P2RX2: variants seen among roughly 807,000 people sequenced by gnomAD.
P2RX2 encodes purinergic receptor P2X 2.
Under a neutral mutation model 54.8 loss-of-function variants are expected in P2RX2, and 50 were observed. The observed-to-expected ratio is 0.91, with a 90% confidence interval of 0.73 to 1.15. The LOEUF (loss-of-function observed/expected upper bound fraction) is 1.15. Among genes scored for constraint, P2RX2 ranks in the 50% most tolerant of loss-of-function variants. P2RX2 has a pLI of 0.00. For synonymous variants in P2RX2, 289 were observed against 259.4 expected (o/e 1.11, Z -1.09); for missense variants, 658 against 633.2 (o/e 1.04, Z -0.42).
rs542173579 is a variant in P2RX2, at chr12:132,622,240, G to A, written c.*268G>A. 1.5e-6 allele frequency: 2 copies of A among 1,371,384 alleles called. No homozygotes were observed. The highest frequency in any genetic ancestry group is 2.9e-5 in the African/African-American group (2 of 67,812). 85.0% of individuals were successfully genotyped at this position (1,371,384 alleles called of 1,614,324 possible). A position where few individuals can be genotyped will look rare whatever the true frequency, so the allele number is the denominator to read the frequency against. On this transcript the variant is annotated 3_prime_UTR_variant, in exon 11 of 11. Transcript: ENST00000643471. ...CCTCTCACAGCCACCTGGAACCCAA[G>A]CCAGCTGAGCTCTGAGGGGCTCTGC...
At chr12:132,619,362 G>A in intron 1 of P2RX2, 77 bp from the exon 2 acceptor site, 2 of 1,547,088 alleles carry the variant, frequency 1.3e-6, no homozygotes, top group Non-Finnish European at 1.8e-6. Flanking sequence ...GGTCGCGGGA[G>A]GGCCCCTGCC....
At position 132,620,982 on chromosome 12, in the gene P2RX2, T is replaced by A; in HGVS notation, c.775-19T>A. ...CTCGTGTGCCCTCCTGACCCCCTTC[T>A]CTGGCTCCTTCTTGGCAGGGTGGTG... is the stretch of plus-strand genomic sequence containing the variant. On this transcript the variant is annotated intron_variant, in intron 7 of 10. Coordinates refer to ENST00000643471, the MANE Select transcript of P2RX2 (RefSeq NM_170682.4). 1.9e-6 allele frequency: 3 copies of A among 1,605,014 alleles called. No individual in the cohort carries two copies. The highest frequency in any genetic ancestry group is 2.6e-6 in the Non-Finnish European group (3 of 1,173,426).
Position 132,618,864 on chromosome 12 carries a change from C to A in P2RX2, c.48C>A (p.Arg16=). The change falls in exon 1 of 11, where the codon CGC becomes CGA. Residue 16 remains arginine, a synonymous_variant. Transcript: ENST00000643471. ...ACCCCGCCGGGGCGACCGCCCGGCGCCTGGCCCGGGGCTGCTGGTCCGCCC... is the reference window on the plus strand; with the variant it reads ...ACCCCGCCGGGGCGACCGCCCGGCGACTGGCCCGGGGCTGCTGGTCCGCCC... The part of the protein sequence containing the change: ...PKYPAGATAR[R]LARGCWSALW... The A allele has an allele frequency of 7.3e-7, 1 of 1,373,650 alleles. No individual in the cohort carries two copies. Among genetic ancestry groups the A allele is most frequent in the Non-Finnish European group, 9.5e-7 (1 of 1,056,792 alleles). 85.1% of individuals were successfully genotyped at this position (1,373,650 alleles called of 1,614,324 possible). A position where few individuals can be genotyped will look rare whatever the true frequency, so the allele number is the denominator to read the frequency against.
chr12:132,620,056 G>A lies in P2RX2; in HGVS notation c.514G>A (p.Val172Met). ...CCAGGGGCCCTCCAAGACCTGCGAG[G>A]TGTTCGGCTGGTGCCCGGTGGAAGA... ...YYQGPSKTCE[V>M]FGWCPVEDGA... Residue 172 changes from valine (V) to methionine (M), a missense_variant, in exon 5 of 11, where the codon GTG becomes ATG. Val to Met is a conservative substitution (Grantham distance 21). Transcript: ENST00000643471. 1 of 1,589,378 alleles carries A rather than the reference G, an allele frequency of 6.3e-7. No homozygotes were observed. The highest frequency in any genetic ancestry group is 1.8e-5 in the Admixed American group (1 of 56,186).
chr12:132,621,030 G>C lies in P2RX2; in HGVS notation c.804G>C (p.Trp268Cys). ...GTGTCATCGGGGTCATTATCAACTG[G>C]GACTGTGACCTGGACCTGCCTGCAT... ...KGGVIGVIIN[W>C]DCDLDLPASE... The change falls in exon 8 of 11, where the codon TGG (tryptophan) becomes TGC (cysteine). Residue 268 changes from tryptophan (W) to cysteine (C), a missense_variant. Physicochemically the swap from Trp to Cys is radical, Grantham distance 215. Transcript: ENST00000643471. The C allele has an allele frequency of 6.2e-7, 1 of 1,614,120 alleles. No individual in the cohort carries two copies. The highest frequency in any genetic ancestry group is 1.3e-5 in the African/African-American group (1 of 75,020).
rs2138382117 is a variant in P2RX2 at position 132,620,899 on chromosome 12, GT to G, written c.775-101del. The G allele has an allele frequency of 1.8e-4, 109 of 596,212 alleles. 33 individuals are homozygous for G. Among genetic ancestry groups the G allele is most frequent in the South Asian group, 5.0e-4 (15 of 30,116 alleles). 36.9% of individuals were successfully genotyped at this position (596,212 alleles called of 1,614,324 possible). On this transcript the variant is annotated intron_variant, in intron 7 of 10. Coordinates refer to ENST00000643471, the MANE Select transcript of P2RX2 (RefSeq NM_170682.4). ...GACCCGGGCTCTCGAGGGGCCTCTC[GT>G]GTGCCCTTGTGACCCCCTTCCCTGG...
At chr12:132,620,736 T>A in intron 7 of P2RX2, 153 bp downstream of exon 7, 1 of 1,065,704 alleles carries the variant, frequency 9.4e-7, no homozygotes, top group African/African-American at 1.6e-5. Context: ...CCATCCGGTG[T>A]GGCGCTTGCT....
chr12:132,621,002 G>A lies in P2RX2; in HGVS notation c.776G>A (p.Gly259Asp). ...CCTTCTCTGGCTCCTTCTTGGCAGGGTGGTGTCATCGGGGTCATTATCAAC... is the reference window on the plus strand; with the variant it reads ...CCTTCTCTGGCTCCTTCTTGGCAGGATGGTGTCATCGGGGTCATTATCAAC... The part of the protein sequence containing the change: ...GESFTELAHK[G>D]GVIGVIINWD... Residue 259 changes from glycine to aspartate, a missense_variant and splice_region_variant, in exon 8 of 11, where the codon GGT becomes GAT. Gly to Asp is a moderately conservative substitution (Grantham distance 94, BLOSUM62 -1). Transcript: ENST00000643471. 6.2e-7 allele frequency: 1 copy of A among 1,613,952 alleles called. No homozygotes were observed.
In P2RX2 at chr12:132,618,812, G is replaced by A. The variant is rs528567382; in HGVS notation, c.-5G>A. On this transcript the variant is annotated 5_prime_UTR_variant, in exon 1 of 11. Coordinates refer to ENST00000643471, the MANE Select transcript of P2RX2 (RefSeq NM_170682.4). The stretch of plus-strand genomic sequence containing the variant: ...GCCTTCCTGGAGGTGGGGGCCGCCC[G>A]CGCCATGGCCGCCGCCCAGCCCAAG... 3.3e-5 allele frequency: 41 copies of A among 1,241,806 alleles called. No homozygotes were observed. The East Asian group carries it at 1.2e-3, about 37-fold the overall frequency. 76.9% of individuals were successfully genotyped at this position (1,241,806 alleles called of 1,614,324 possible). A position where few individuals can be genotyped will look rare whatever the true frequency, so the allele number is the denominator to read the frequency against.
Position 132,621,867 on chromosome 12 carries a change from G to A in P2RX2, c.1311G>A (p.Arg437=), listed in dbSNP as rs375827164. 5.0e-6 allele frequency: 8 copies of A among 1,613,164 alleles called. No homozygotes were observed. Among genetic ancestry groups the A allele is most frequent in the Non-Finnish European group, 6.8e-6 (8 of 1,179,892 alleles). The change falls in exon 11 of 11, where the codon CGG becomes CGA. Residue 437 remains arginine (R), a synonymous_variant. Transcript: ENST00000643471. ...AECGPAFPPL[R]PCPISAPSEQ... Reference sequence around the variant, plus strand: ...GTGGCCCAGCCTTCCCGCCCCTGCGGCCTTGCCCCATCTCTGCCCCTTCTG... The same window carrying A: ...GTGGCCCAGCCTTCCCGCCCCTGCGACCTTGCCCCATCTCTGCCCCTTCTG...
Position 132,619,685 on chromosome 12 carries a change from A to G in P2RX2, c.316A>G (p.Ser106Gly), listed in dbSNP as rs897663807. 6.9e-6 allele frequency: 11 copies of G among 1,595,716 alleles called. No homozygotes were observed. The highest frequency in any genetic ancestry group is 9.4e-6 in the Non-Finnish European group (11 of 1,171,080). Residue 106 changes from serine to glycine, a missense_variant, in exon 3 of 11, where the codon AGC becomes GGC. Physicochemically the swap from Ser to Gly is moderately conservative, Grantham distance 56 (BLOSUM62 0). Coordinates refer to ENST00000643471, the MANE Select transcript of P2RX2 (RefSeq NM_170682.4). ...CCCCTCTTTCTGAGCCCAGGGGGGC[A>G]GCGTGTTCAGCATCATCACCAGGGT... ...EEYVKPPEGG[S>G]VFSIITRVEA...
Position 132,621,869 on chromosome 12 carries a change from C to G in P2RX2, c.1313C>G (p.Pro438Arg). 1 of 1,613,368 alleles carries G rather than the reference C, an allele frequency of 6.2e-7. No homozygotes were observed. Among genetic ancestry groups the G allele is most frequent in the Non-Finnish European group, 8.5e-7 (1 of 1,179,888 alleles). The change falls in exon 11 of 11, where the codon CCT (proline) becomes CGT (arginine). Residue 438 changes from proline to arginine, a missense_variant. Pro to Arg is a moderately radical substitution (Grantham distance 103). Transcript: ENST00000643471. ...ECGPAFPPLR[P>R]CPISAPSEQM... is the part of the protein sequence containing the mutation. ...GGCCCAGCCTTCCCGCCCCTGCGGC[C>G]TTGCCCCATCTCTGCCCCTTCTGAG...
At chr12:132,620,683 T>C in intron 7 of P2RX2, 100 bp downstream of exon 7, 21 of 1,320,460 alleles carry the variant, frequency 1.6e-5, no homozygotes, top group Non-Finnish European at 2.2e-5. Context: ...CCTGACCAGC[T>C]GGCCCCGCTC....
chr12:132,622,087 G>A lies in P2RX2; in HGVS notation c.*115G>A, dbSNP rs976517814. ...AGTAGCGGAGCATCTCCACGAAACG[G>A]GGCACCACAGGATCCCTGTGCAAGG... On this transcript the variant is annotated 3_prime_UTR_variant, in exon 11 of 11. Transcript: ENST00000643471. 36 of 1,543,162 alleles carry A rather than the reference G, an allele frequency of 2.3e-5. No individual in the cohort carries two copies. Among genetic ancestry groups the A allele is most frequent in the Non-Finnish European group, 3.0e-5 (35 of 1,150,892 alleles).
rs527952486 is a variant in P2RX2 at position 132,622,285 on chromosome 12, G to A, written c.*313G>A. On this transcript the variant is annotated 3_prime_UTR_variant, in exon 11 of 11. Transcript: ENST00000643471. ...CTCTGCTCCCGGTCTTGGGCCCTGG[G>A]AACCCCACCCCACCCCACCCCACAG... 257 of 1,252,566 alleles carry A rather than the reference G, an allele frequency of 2.1e-4. 1 individual carries two copies. The African/African-American group carries it at 3.8e-3, about 18-fold the overall frequency. 77.6% of individuals were successfully genotyped at this position (1,252,566 alleles called of 1,614,324 possible). A position where few individuals can be genotyped will look rare whatever the true frequency, so the allele number is the denominator to read the frequency against.
rs2041697384 is a variant in P2RX2 at position 132,621,724 on chromosome 12, A to G, written c.1168A>G (p.Ser390Gly). 6.2e-7 allele frequency: 1 copy of G among 1,612,254 alleles called. No individual in the cohort carries two copies. Among genetic ancestry groups the G allele is most frequent in the Non-Finnish European group, 8.5e-7 (1 of 1,179,070 alleles). ...KVCTPSHPSG[S>G]WPVTLARVLG... is the part of the protein sequence containing the mutation. ...GTGTACGCCGAGCCACCCCTCAGGT[A>G]GCTGGCCTGTGACCCTTGCCCGTGT... The change falls in exon 11 of 11, where the codon AGC becomes GGC. Residue 390 changes from serine to glycine, a missense_variant. Coordinates refer to ENST00000643471, the MANE Select transcript of P2RX2 (RefSeq NM_170682.4).
rs368329743 is a variant in P2RX2 at position 132,619,425 on chromosome 12, G to A, written c.174-14G>A. 27 of 1,611,052 alleles carry A rather than the reference G, an allele frequency of 1.7e-5. No homozygotes were observed. The African/African-American group carries it at 3.1e-4, about 18-fold the overall frequency. On this transcript the variant is annotated splice_polypyrimidine_tract_variant and intron_variant, in intron 1 of 10. Transcript: ENST00000643471. ...CAGGGTCGCCTCCGGAGCCGGCGCCGCCCCTGCCCGCAGGTACGTATTCAT... is the reference window on the plus strand; with the variant it reads ...CAGGGTCGCCTCCGGAGCCGGCGCCACCCCTGCCCGCAGGTACGTATTCAT...
intron 7 of P2RX2, 64 bp from the exon 8 acceptor site, chr12:132,620,937 C>T (rs943006976): frequency 7.5e-7 from 1 of 1,324,800 alleles, no homozygotes; most frequent in Non-Finnish European, 1.1e-6. Context: ...CTGGGACTGA[C>T]CCGGGCTCTC....
rs1156455307 is a variant in P2RX2 at position 132,620,312 on chromosome 12, G to A, written c.600G>A (p.Lys200=). 5.0e-6 allele frequency: 8 copies of A among 1,614,020 alleles called. No individual in the cohort carries two copies. Among genetic ancestry groups the A allele is most frequent in the South Asian group, 1.1e-5 (1 of 91,084 alleles). ...CCCCAAATTTCACCATCCTCATCAA[G>A]AACAGCATCCACTACCCCAAATTCC... The part of the protein sequence containing the change: ...TMAPNFTILI[K]NSIHYPKFHF... The change falls in exon 6 of 11, where the codon AAG becomes AAA. Residue 200 remains lysine, a synonymous_variant. Transcript: ENST00000643471.
Sources: allele counts gnomAD v4.1 joint callset, GRCh38; gene constraint gnomAD v4.1.1; transcripts MANE v1.5; gene names NCBI Gene and HGNC (gene_info 2026-07-23, HGNC 2026-07-21).